PAX1: variants seen among roughly 807,000 people sequenced by gnomAD.
The protein encoded by PAX1 is paired box 1, also known as paired box protein Pax-1.
In PAX1, 18 loss-of-function variants were observed where a neutral mutation model predicts 35.6. The observed-to-expected ratio is 0.50, with a 90% CI of 0.35 to 0.75. The LOEUF is 0.75. Among genes scored for constraint, PAX1 ranks in the 30% least tolerant of loss-of-function variants. The pLI, the probability that PAX1 is intolerant of heterozygous loss-of-function variation, is 0.01. For missense variants in PAX1, 760 were observed against 661.5 expected (o/e 1.15, Z -1.63); for synonymous variants, 397 against 305.2 (o/e 1.30, Z -3.14).
In PAX1 at chr20:21,706,760, C is replaced by T. The variant is rs1257944704; in HGVS notation, c.609C>T (p.Asp203=). ...AWEIRDRLLA[D]GVCDKYNVPS... ...AGATCCGCGACCGGCTGCTGGCCGA[C>T]GGCGTCTGTGACAAGTACAATGTGC... The change falls in exon 2 of 5, where the codon GAC becomes GAT. Residue 203 remains aspartate (D), a synonymous_variant. Coordinates refer to ENST00000613128, the MANE Select transcript of PAX1 (RefSeq NM_001257096.2). This position sits in a 1 kb window ranked among gnomAD's most constrained non-coding sequence, Gnocchi z 5.3. 3 of 1,613,388 alleles carry T rather than the reference C, an allele frequency of 1.9e-6. No homozygotes were observed. The highest frequency in any genetic ancestry group is 2.5e-6 in the Non-Finnish European group (3 of 1,180,036).
chr20:21,706,418 C>T lies in PAX1; in HGVS notation c.287-20C>T. 2 of 1,610,900 alleles carry T rather than the reference C, an allele frequency of 1.2e-6. No individual in the cohort carries two copies. The highest frequency in any genetic ancestry group is 2.2e-5 in the East Asian group (1 of 44,842). On this transcript the variant is annotated intron_variant, in intron 1 of 4. Transcript: ENST00000613128. The surrounding 1 kb of genome is among the most constrained non-coding windows in gnomAD (Gnocchi z 5.3). Reference sequence around the variant, plus strand: ...GTGTTTTCTCCCCCTCCGGCTCACTCTTGTCTGGCGCATCCGCAGAGCAGA... The same window carrying T: ...GTGTTTTCTCCCCCTCCGGCTCACTTTTGTCTGGCGCATCCGCAGAGCAGA...
intron 3 of PAX1, among the ~76,000 whole-genome samples, chr20:21,708,966 C>A (rs1985105931): frequency 6.6e-6 from 1 of 152,154 alleles, no homozygotes; most frequent in East Asian, 1.9e-4. Flanking sequence ...CAGTCAAGGG[C>A]CTTCTTTCTC....
chr20:21,705,725 CT>C lies in PAX1; in HGVS notation c.14del (p.Leu5ArgfsTer98), dbSNP rs1984953712. 2 of 1,248,016 alleles carry C rather than the reference CT, an allele frequency of 1.6e-6. No individual in the cohort carries two copies. The highest frequency in any genetic ancestry group is 2.0e-6 in the Non-Finnish European group (2 of 989,902). The allele number at this position is 1,248,016 out of a possible 1,614,324, so 77.3% of individuals were successfully genotyped here. A position where few individuals can be genotyped will look rare whatever the true frequency, so the allele number is the denominator to read the frequency against. On this transcript the variant is annotated frameshift_variant, in exon 1 of 5. Coordinates refer to ENST00000613128, the MANE Select transcript of PAX1 (RefSeq NM_001257096.2). LOFTEE classifies it high-confidence loss of function. Reference sequence around the variant, plus strand: ...TTCTCCCAATCGGATGAAGTTCACCCTGGGCCTGGGGTCGCGGGCGTGGAGA... The same window carrying C: ...TTCTCCCAATCGGATGAAGTTCACCCGGGCCTGGGGTCGCGGGCGTGGAGA... MKFT[L>X]GLGSRAWRVS...
intron 4 of PAX1, among the ~76,000 whole-genome samples, chr20:21,713,141 A>G (rs1985250214): frequency 6.6e-6 from 1 of 152,026 alleles, no homozygotes; most frequent in South Asian, 2.1e-4. Flanking sequence ...GCTTGTCTCT[A>G]AGGTAACCGT....
Position 21,706,581 on chromosome 20 carries a change from C to G in PAX1, c.430C>G (p.His144Asp). 1 of 1,612,284 alleles carries G rather than the reference C, an allele frequency of 6.2e-7. No homozygotes were observed. Among genetic ancestry groups the G allele is most frequent in the Non-Finnish European group, 8.5e-7 (1 of 1,180,028 alleles). ...CATCAGTCGGCAGCTCCGCGTATCC[C>G]ACGGCTGCGTGAGCAAGATCCTGGC... ...CDISRQLRVS[H>D]GCVSKILARY... The change falls in exon 2 of 5, where the codon CAC becomes GAC. Residue 144 changes from histidine to aspartate, a missense_variant. By Grantham distance (81) the His-to-Asp change is moderately conservative. Around this residue, in one of 3 missense-constraint regions of PAX1, gnomAD observed 48 missense variants for 80.0 expected, o/e 0.60. Transcript: ENST00000613128. This position sits in a 1 kb window ranked among gnomAD's most constrained non-coding sequence, Gnocchi z 5.3.
intron 3 of PAX1, 29 bp downstream of exon 3, chr20:21,708,729 C>T: frequency 1.2e-6 from 2 of 1,610,826 alleles, no homozygotes; most frequent in Non-Finnish European, 8.5e-7. Flanking sequence ...AGGCCGTGAC[C>T]TTAAGTAGGG....
rs1984980963 is a variant in PAX1 at position 21,706,067 on chromosome 20, C to T, written c.286+69C>T. On this transcript the variant is annotated intron_variant, in intron 1 of 4. Coordinates refer to ENST00000613128, the MANE Select transcript of PAX1 (RefSeq NM_001257096.2). The surrounding 1 kb of genome is among the most constrained non-coding windows in gnomAD (Gnocchi z 5.3). Reference sequence around the variant, plus strand: ...TGGGTCGGGTCCGCCTGCCTCCCTTCCCTCTCGTCCGCTTTCCCTGGGCGA... The same window carrying T: ...TGGGTCGGGTCCGCCTGCCTCCCTTTCCTCTCGTCCGCTTTCCCTGGGCGA... 4.7e-6 allele frequency: 6 copies of T among 1,265,032 alleles called. No individual in the cohort carries two copies. In the South Asian group the frequency reaches 6.0e-5, roughly 13 times the overall value. 78.4% of individuals were successfully genotyped at this position (1,265,032 alleles called of 1,614,324 possible). A position where few individuals can be genotyped will look rare whatever the true frequency, so the allele number is the denominator to read the frequency against.
intron 2 of PAX1, 190 bp from the exon 3 acceptor site, chr20:21,708,368 C>T: frequency 1.3e-6 from 1 of 753,936 alleles, no homozygotes; most frequent in South Asian, 1.5e-5. Context: ...GCAGGCCTGG[C>T]TGCCTTTCCT....
rs1466330266 is a variant in PAX1 at position 21,714,333 on chromosome 20, G to T, written c.1283-138G>T. The T allele has an allele frequency of 6.3e-6, 4 of 634,696 alleles. No individual in the cohort carries two copies. In the East Asian group the frequency reaches 1.2e-4, roughly 19 times the overall value. 39.3% of individuals were successfully genotyped at this position (634,696 alleles called of 1,614,324 possible). On this transcript the variant is annotated intron_variant, in intron 4 of 4. Coordinates refer to ENST00000613128, the MANE Select transcript of PAX1 (RefSeq NM_001257096.2). Reference sequence around the variant, plus strand: ...GAAGCTTGGGGTCTCTGGAGAGCGCGAGTCTCTGCTTCACTCTTCCAGAGC... The same window carrying T: ...GAAGCTTGGGGTCTCTGGAGAGCGCTAGTCTCTGCTTCACTCTTCCAGAGC...
Position 21,706,739 on chromosome 20 carries a change from C to A in PAX1, c.588C>A (p.Ile196=), listed in dbSNP as rs751544378. 8.7e-6 allele frequency: 14 copies of A among 1,613,584 alleles called. No homozygotes were observed. The highest frequency in any genetic ancestry group is 1.3e-5 in the African/African-American group (1 of 74,952). Residue 196 remains isoleucine, a synonymous_variant, in exon 2 of 5, where the codon ATC becomes ATA. Transcript: ENST00000613128. The surrounding 1 kb of genome is among the most constrained non-coding windows in gnomAD (Gnocchi z 5.3). ...ACCCTGGCATCTTTGCCTGGGAGAT[C>A]CGCGACCGGCTGCTGGCCGACGGCG... ...QGDPGIFAWE[I]RDRLLADGVC...
Position 21,706,623 on chromosome 20 carries a change from G to C in PAX1, c.472G>C (p.Gly158Arg). The C allele has an allele frequency of 1.2e-6, 2 of 1,612,224 alleles. No individual in the cohort carries two copies. Among genetic ancestry groups the C allele is most frequent in the Non-Finnish European group, 1.7e-6 (2 of 1,180,022 alleles). The change falls in exon 2 of 5, where the codon GGC becomes CGC. Residue 158 changes from glycine (G) to arginine (R), a missense_variant. Physicochemically the swap from Gly to Arg is moderately radical, Grantham distance 125. Around this residue, in one of 3 missense-constraint regions of PAX1, gnomAD observed 490 missense variants for 428.4 expected, o/e 1.14. Coordinates refer to ENST00000613128, the MANE Select transcript of PAX1 (RefSeq NM_001257096.2). This position sits in a 1 kb window ranked among gnomAD's most constrained non-coding sequence, Gnocchi z 5.3. ...GATCCTGGCGCGCTACAACGAGACC[G>C]GCTCCATTCTGCCCGGGGCCATCGG... ...SKILARYNET[G>R]SILPGAIGGS...
chr20:21,705,684 T>C lies in PAX1; in HGVS notation c.-29T>C. ...AAATTGATTCCCGCACGCTGCAGCC[T>C]CCCGGTCAGACGAATTTCTCCCAAT... On this transcript the variant is annotated 5_prime_UTR_variant, in exon 1 of 5. Transcript: ENST00000613128. The C allele has an allele frequency of 8.1e-7, 1 of 1,231,052 alleles. No homozygotes were observed. 76.3% of individuals were successfully genotyped at this position (1,231,052 alleles called of 1,614,324 possible).
In PAX1 at chr20:21,714,558, C is replaced by T. The variant is rs997187860; in HGVS notation, c.1370C>T (p.Ser457Phe). The change falls in exon 5 of 5, where the codon TCC becomes TTC. Residue 457 changes from serine (S) to phenylalanine (F), a missense_variant. Transcript: ENST00000613128. ...LHGLPIPAST[S>F] ...GGACTGCCCATCCCGGCCTCGACCT[C>T]CTAGGGGCAGCTCTCCCCGGACCCG... The T allele has an allele frequency of 2.5e-6, 4 of 1,588,702 alleles. No individual in the cohort carries two copies. Among genetic ancestry groups the T allele is most frequent in the Non-Finnish European group, 2.6e-6 (3 of 1,168,812 alleles).
Position 21,707,032 on chromosome 20 carries a change from A to G in PAX1, c.881A>G (p.Asn294Ser). ...TGGCCCTCGGCACACTCGGTCAGCA[A>G]CATCCTGGGCATCCGGACGTTTATG... ...RSWPSAHSVS[N>S]ILGIRTFMEQ... The change falls in exon 2 of 5, where the codon AAC becomes AGC. Residue 294 changes from asparagine to serine, a missense_variant. Physicochemically the swap from Asn to Ser is conservative, Grantham distance 46 (BLOSUM62 1). This residue lies in a region of PAX1 where 490 missense variants were observed against 428.4 expected (regional missense o/e 1.14). Transcript: ENST00000613128. The G allele has an allele frequency of 1.2e-6, 2 of 1,613,076 alleles. No homozygotes were observed. The highest frequency in any genetic ancestry group is 4.5e-5 in the East Asian group (2 of 44,850).
At chr20:21,711,536 AC>A (rs1274440006) in intron 4 of PAX1, among the ~76,000 whole-genome samples, 3 of 152,180 alleles carry the variant, frequency 2.0e-5, no homozygotes, top group Admixed American at 2.0e-4. Context: ...GTAATATCCC[AC>A]CTGTTTTTAA....
chr20:21,712,846 G>A (rs1381295949), intron 4 of PAX1, among the ~76,000 whole-genome samples: 1 of 152,094 alleles, frequency 6.6e-6, no homozygotes, highest in Non-Finnish European at 1.5e-5. Flanking sequence ...TCCCAGACCC[G>A]TGCCTCCCCT....
chr20:21,715,902 C>T lies in PAX1; in HGVS notation c.*1340C>T, dbSNP rs1271443016. The T allele has an allele frequency of 6.6e-6, 1 of 152,316 alleles. No homozygotes were observed. The highest frequency in any genetic ancestry group is 1.5e-5 in the Non-Finnish European group (1 of 68,142). The allele number at this position is 152,316 out of a possible 1,614,324, so 9.4% of individuals were successfully genotyped here. A position where few individuals can be genotyped will look rare whatever the true frequency, so the allele number is the denominator to read the frequency against. On this transcript the variant is annotated 3_prime_UTR_variant, in exon 5 of 5. Coordinates refer to ENST00000613128, the MANE Select transcript of PAX1 (RefSeq NM_001257096.2). ...CCTGGACATAATGCAATTCTGTAGT[C>T]AGAGCAATATCCCTGGCGAGAGCCT... is the stretch of plus-strand genomic sequence containing the variant.
At chr20:21,711,867 A>G (rs1476109295) in intron 4 of PAX1, among the ~76,000 whole-genome samples, 1 of 152,244 alleles carries the variant, frequency 6.6e-6, no homozygotes, top group Non-Finnish European at 1.5e-5. Flanking sequence ...AAAAATAATA[A>G]GAATCACTGC....
rs1365232002 is a variant in PAX1 at position 21,705,967 on chromosome 20, C to A, written c.255C>A (p.Gly85=). The stretch of plus-strand genomic sequence containing the variant: ...GCCCCGGCCACCCCGGCCACCCCGG[C>A]GCCAGGCAGCTGGCCGGCCCGCTCG... ...GPSPGHPGHP[G]ARQLAGPLAM... The change falls in exon 1 of 5, where the codon GGC becomes GGA. Residue 85 remains glycine, a synonymous_variant. Transcript: ENST00000613128. The A allele has an allele frequency of 6.7e-7, 1 of 1,488,506 alleles. No homozygotes were observed. 92.2% of individuals were successfully genotyped at this position (1,488,506 alleles called of 1,614,324 possible).
Sources: gnomAD v4.1 joint callset for allele counts (sites outside exome capture counted in the v4.1 genomes callset) on GRCh38, gnomAD v4.1.1 for gene constraint, gnomAD v4.1.1 regional missense constraint, Gnocchi (gnomAD v3.1) non-coding constraint, MANE v1.5 for transcripts, NCBI Gene and HGNC (gene_info 2026-07-23, HGNC 2026-07-21) for gene names.